COL4A1: variants seen among roughly 807,000 people sequenced by gnomAD.
COL4A1 encodes the protein collagen alpha-1(IV) chain.
In COL4A1, 40 loss-of-function variants were observed where a neutral mutation model predicts 216.6. The ratio of observed to expected loss-of-function variants is 0.18; its 90% CI spans 0.14 to 0.24. COL4A1 has a LOEUF of 0.24. Among genes scored for constraint, COL4A1 ranks in the 10% least tolerant of loss-of-function variants. COL4A1 has a pLI of 1.00. For synonymous variants in COL4A1, 839 were observed against 810.7 expected (o/e 1.03, Z -0.59); for missense variants, 1,628 against 2,196.8 (o/e 0.74, Z 5.18).
intron 2 of COL4A1, among the ~76,000 whole-genome samples, chr13:110,238,953 T>G (rs1197284743): frequency 6.6e-6 from 1 of 152,154 alleles, no homozygotes; most frequent in Non-Finnish European, 1.5e-5. Flanking sequence ...CCCTAATCAG[T>G]ACAAGCAGAC....
intron 1 of COL4A1, among the ~76,000 whole-genome samples, chr13:110,255,335 G>C (rs900206185): frequency 6.6e-6 from 1 of 151,660 alleles, no homozygotes; most frequent in African/African-American, 2.4e-5. Flanking sequence ...ATTAGCATGA[G>C]GAGGGAAGGG....
intron 49 of COL4A1, among the ~76,000 whole-genome samples, chr13:110,158,200 C>T (rs1159770926): frequency 7.0e-6 from 1 of 143,300 alleles, no homozygotes; most frequent in Non-Finnish European, 1.5e-5. Context: ...TGATATTCTC[C>T]ATTTTAAGAC....
At chr13:110,276,171 C>T (rs561471396) in intron 1 of COL4A1, among the ~76,000 whole-genome samples, 21 of 152,164 alleles carry the variant, frequency 1.4e-4, no homozygotes, top group Admixed American at 3.9e-4. Flanking sequence ...AGAAGAGGTA[C>T]GTGGGAACTC....
chr13:110,242,762 T>G (rs375311374), intron 1 of COL4A1, 28 bp from the exon 2 acceptor site: 1 of 1,612,990 alleles, frequency 6.2e-7, no homozygotes, highest in Admixed American at 1.7e-5. Context: ...CTTCTTTAAA[T>G]AGAAGAACAC....
chr13:110,246,434 A>G (rs1881816716), intron 1 of COL4A1, among the ~76,000 whole-genome samples: 1 of 152,176 alleles, frequency 6.6e-6, no homozygotes, highest in Non-Finnish European at 1.5e-5. Flanking sequence ...AATAAAAGTC[A>G]GGTAATGCAA....
rs1024605483 is a variant in COL4A1, at chr13:110,157,224, C to T, written c.4641-1827G>A. Among the ~76,000 whole-genome samples, 42 of 152,206 alleles carry T rather than the reference C, an allele frequency of 2.8e-4. 3 individuals are homozygous for T. Among genetic ancestry groups the T allele is most frequent in the Non-Finnish European group, 1.5e-5 (1 of 68,034 alleles). On this transcript the variant is annotated intron_variant, in intron 49 of 51. Coordinates refer to ENST00000375820, the MANE Select transcript of COL4A1 (RefSeq NM_001845.6). The stretch of plus-strand genomic sequence containing the variant: ...GAACGAAAATGCAGTTCTCCTTGCT[C>T]TCAATCCAGCGGTCTTTTCGTCAGA...
intron 1 of COL4A1, among the ~76,000 whole-genome samples, chr13:110,302,273 GT>G (rs1025183745): frequency 1.6e-4 from 24 of 152,202 alleles, no homozygotes; most frequent in African/African-American, 5.5e-4. Flanking sequence ...AGGGTTGTCA[GT>G]CCAGGTAAAA....
intron 2 of COL4A1, among the ~76,000 whole-genome samples, chr13:110,228,645 T>G (rs1880862469): frequency 6.6e-6 from 1 of 152,152 alleles, no homozygotes; most frequent in African/African-American, 2.4e-5. Context: ...TTATACCAAC[T>G]CCCATGTTCC....
At chr13:110,222,736 GCAC>G (rs1880555239) in intron 2 of COL4A1, among the ~76,000 whole-genome samples, 3 of 128,088 alleles carry the variant, frequency 2.3e-5, no homozygotes, top group South Asian at 2.8e-4. Flanking sequence ...TCGTGCCACT[GCAC>G]TCCAGCCTGG....
At chr13:110,228,193 C>G (rs1392093988) in intron 2 of COL4A1, among the ~76,000 whole-genome samples, 1 of 148,140 alleles carries the variant, frequency 6.8e-6, no homozygotes, top group Non-Finnish European at 1.5e-5. Flanking sequence ...GCTGACACCC[C>G]GCTATCAAGC....
In COL4A1 at chr13:110,178,092, C is replaced by G. The variant is rs1877963617; in HGVS notation, c.2598G>C (p.Gln866His). 1.2e-6 allele frequency: 2 copies of G among 1,614,170 alleles called. No individual in the cohort carries two copies. The highest frequency in any genetic ancestry group is 1.7e-6 in the Non-Finnish European group (2 of 1,180,016). The change falls in exon 32 of 52, where the codon CAG (glutamine) becomes CAC (histidine). Residue 866 changes from glutamine to histidine, a missense_variant. Gln to His is a conservative substitution (Grantham distance 24). Around this residue, in one of 8 missense-constraint regions of COL4A1, gnomAD observed 701 missense variants for 892.5 expected, o/e 0.79. Transcript: ENST00000375820. ...QSGLPGLPGQQGAPGIPGFPG... is the reference protein window; with the variant it reads ...QSGLPGLPGQHGAPGIPGFPG... ...GAAACCCAGGAATCCCAGGAGCCCC[C>G]TGCTGTCCAGGAAGGCCAGGGAGCC...
rs1876735440 is a variant in COL4A1 at position 110,155,369 on chromosome 13, C to T, written c.4669G>A (p.Val1557Met). ...ATGGTCTGGCTGTGCACGGCCATCA[C>T]CATGGCAGGCGCCTCACACACAGCA... ...RCAVCEAPAM[V>M]MAVHSQTIQI... Residue 1557 changes from valine to methionine, a missense_variant, in exon 50 of 52, where the codon GTG becomes ATG. Coordinates refer to ENST00000375820, the MANE Select transcript of COL4A1 (RefSeq NM_001845.6). 6.2e-7 allele frequency: 1 copy of T among 1,613,998 alleles called. No individual in the cohort carries two copies. The highest frequency in any genetic ancestry group is 8.5e-7 in the Non-Finnish European group (1 of 1,179,976).
rs1223288178 is a variant in COL4A1, at chr13:110,161,388, A to G, written c.4463-19T>C. On this transcript the variant is annotated intron_variant, in intron 48 of 51. Coordinates refer to ENST00000375820, the MANE Select transcript of COL4A1 (RefSeq NM_001845.6). The stretch of plus-strand genomic sequence containing the variant: ...GCCGTGCCTAGACAAGGAAGAAGAC[A>G]ATGTGAGATGTTTCCTTTATAATTC... 11 of 1,594,472 alleles carry G rather than the reference A, an allele frequency of 6.9e-6. No individual in the cohort carries two copies. Among genetic ancestry groups the G allele is most frequent in the African/African-American group, 1.3e-5 (1 of 74,582 alleles).
intron 1 of COL4A1, among the ~76,000 whole-genome samples, chr13:110,255,438 G>C (rs1191050869): frequency 6.7e-6 from 1 of 149,082 alleles, no homozygotes; most frequent in Admixed American, 6.7e-5. Context: ...GCAAGGGAGG[G>C]AGGCAGGTCA....
At chr13:110,247,559 T>G (rs4145073) in intron 1 of COL4A1, among the ~76,000 whole-genome samples, 56,015 of 151,972 alleles carry the variant, frequency 0.37, 10,781 homozygotes, top group East Asian at 0.53. Flanking sequence ...CACAAAGATT[T>G]TACAATACAC....
chr13:110,283,283 G>T (rs1883711451), intron 1 of COL4A1, among the ~76,000 whole-genome samples: 1 of 152,218 alleles, frequency 6.6e-6, no homozygotes, highest in Non-Finnish European at 1.5e-5. Context: ...GAATAATGTA[G>T]ACTAGAAAAT....
At chr13:110,283,782 C>T (rs1883731428) in intron 1 of COL4A1, among the ~76,000 whole-genome samples, 1 of 152,204 alleles carries the variant, frequency 6.6e-6, no homozygotes, top group South Asian at 2.1e-4. Flanking sequence ...AGGCCTTATG[C>T]TGGTGGGGTG....
chr13:110,187,253 C>T lies in COL4A1; in HGVS notation c.1613G>A (p.Arg538Gln), dbSNP rs147361934. The change falls in exon 25 of 52, where the codon CGG (arginine) becomes CAG (glutamine). Residue 538 changes from arginine (R) to glutamine (Q), a missense_variant. This residue lies in a region of COL4A1 where 701 missense variants were observed against 892.5 expected (regional missense o/e 0.79). Coordinates refer to ENST00000375820, the MANE Select transcript of COL4A1 (RefSeq NM_001845.6). ...GEPGEFYFDL[R>Q]LKGDKGDPGF... ...TGGGTCTCCTTTGTCACCTTTGAGC[C>T]GCAAGTCGAAATAAAACTCACCAGG... 8.7e-6 allele frequency: 14 copies of T among 1,613,788 alleles called. No individual in the cohort carries two copies. The highest frequency in any genetic ancestry group is 2.2e-5 in the East Asian group (1 of 44,844).
Position 110,166,948 on chromosome 13 carries a change from A to G in COL4A1, c.3949+210T>C, listed in dbSNP as rs544218789. On this transcript the variant is annotated intron_variant, in intron 44 of 51. Transcript: ENST00000375820. ...GATATTAATGATCCACTGATTCTTAATAAGAAAATCAGAATGTCTTTACAC... is the reference window on the plus strand; with the variant it reads ...GATATTAATGATCCACTGATTCTTAGTAAGAAAATCAGAATGTCTTTACAC... 2.6e-5 allele frequency among the ~76,000 whole-genome samples: 4 copies of G among 152,346 alleles called. No individual in the cohort carries two copies. The South Asian group carries it at 8.3e-4, about 32-fold the overall frequency.
Sources: gnomAD v4.1 joint callset for allele counts (sites outside exome capture counted in the v4.1 genomes callset) on GRCh38, gnomAD v4.1.1 for gene constraint, gnomAD v4.1.1 regional missense constraint, MANE v1.5 for transcripts, NCBI Gene and HGNC (gene_info 2026-07-23, HGNC 2026-07-21) for gene names.